The following PLA2G4E variants were observed in gnomAD, a reference collection of about 807,000 sequenced individuals.
PLA2G4E encodes cytosolic phospholipase A2 epsilon.
In PLA2G4E, 84 loss-of-function variants were observed where a neutral mutation model predicts 109.1. The observed-to-expected ratio is 0.77, with a 90% CI of 0.65 to 0.92. PLA2G4E has a LOEUF of 0.92. Ranked by LOEUF, PLA2G4E falls within the 40% of genes least tolerant of loss-of-function variation. The pLI is 0.00. For missense variants in PLA2G4E, 1,057 were observed against 1,076.6 expected, an observed-to-expected ratio of 0.98 and a Z score of 0.25; for synonymous variants, 469 against 436.1, an observed-to-expected ratio of 1.08 and a Z score of -0.94.
At position 42,002,636 on chromosome 15, in the gene PLA2G4E, A is replaced by T; in HGVS notation, c.609+18T>A. 6.3e-7 allele frequency: 1 copy of T among 1,577,600 alleles called. No homozygotes were observed. Among genetic ancestry groups the T allele is most frequent in the Non-Finnish European group, 8.6e-7 (1 of 1,161,272 alleles). On this transcript the variant is annotated intron_variant, in intron 6 of 19. Coordinates refer to ENST00000399518, the Ensembl canonical transcript of PLA2G4E. ...AGCCGTGGCCTCTGGAGCTACAGGA[A>T]CCCAGGAAGATAATTACCACCAGCA...
intron 17 of PLA2G4E, chr15:41,986,841 C>A (rs921206200): frequency 2.8e-6 from 1 of 358,980 alleles, no homozygotes; most frequent in Admixed American, 4.1e-5. Flanking sequence ...TAAAGGGCAT[C>A]CCCAGAACAC....
At chr15:42,037,473 T>C (rs1889237935) in intron 1 of PLA2G4E, among the ~76,000 whole-genome samples, 1 of 152,228 alleles carries the variant, frequency 6.6e-6, no homozygotes, top group Admixed American at 6.5e-5. Flanking sequence ...AGCTACCTAC[T>C]GCGGGTCTCC....
chr15:42,018,441 A>T (rs2068616766), intron 1 of PLA2G4E, among the ~76,000 whole-genome samples: 1 of 152,202 alleles, frequency 6.6e-6, no homozygotes, highest in South Asian at 2.1e-4. Context: ...TTAAGAACAG[A>T]CATGATCAGG....
At chr15:42,026,244 G>C (rs1164662891) in intron 1 of PLA2G4E, among the ~76,000 whole-genome samples, 1 of 152,096 alleles carries the variant, frequency 6.6e-6, no homozygotes, top group African/African-American at 2.4e-5. Context: ...ACAAAATGGA[G>C]GGAACAGAGA....
At chr15:42,007,801 T>G in exon 3 of PLA2G4E, 1 of 1,611,812 alleles carries the variant, frequency 6.2e-7, no homozygotes, top group Non-Finnish European at 8.5e-7. Context: ...AGATGGTCCT[T>G]GTCCTCAGCT....
intron 1 of PLA2G4E, among the ~76,000 whole-genome samples, chr15:42,026,842 G>A (rs2068696695): frequency 6.6e-6 from 1 of 151,936 alleles, no homozygotes; most frequent in Admixed American, 6.6e-5. Context: ...GCGTGGTGGT[G>A]GGTGCCTAGA....
intron 15 of PLA2G4E, 67 bp downstream of exon 15, chr15:41,989,348 G>C: frequency 6.3e-7 from 1 of 1,594,148 alleles, no homozygotes; most frequent in East Asian, 2.2e-5. Flanking sequence ...ATAATCAGGG[G>C]CCAACCCAGG....
At chr15:42,010,138 C>CCT in intron 2 of PLA2G4E, 1 of 477,194 alleles carries the variant, frequency 2.1e-6, no homozygotes. Flanking sequence ...ACTGGCCCCC[C>CCT]CACCCCGGGC....
intron 1 of PLA2G4E, among the ~76,000 whole-genome samples, chr15:42,040,436 A>G (rs577457338): frequency 1.3e-5 from 2 of 152,368 alleles, no homozygotes; most frequent in East Asian, 3.9e-4. Flanking sequence ...ATTAAAATAA[A>G]TTCCAGATGT....
exon 8 of PLA2G4E, chr15:42,000,247 C>T (rs1175319332): frequency 6.3e-7 from 1 of 1,579,004 alleles, no homozygotes; most frequent in Non-Finnish European, 8.6e-7. Context: ...TGGGTGTTCT[C>T]AAAGGATTCG....
chr15:42,040,951 A>C (rs1889304575), intron 1 of PLA2G4E, among the ~76,000 whole-genome samples: 2 of 152,256 alleles, frequency 1.3e-5, no homozygotes, highest in Non-Finnish European at 2.9e-5. Flanking sequence ...ATTGCTAATA[A>C]TTTAAAGACT....
intron 1 of PLA2G4E, among the ~76,000 whole-genome samples, chr15:42,018,661 C>T (rs1259216539): frequency 6.6e-6 from 1 of 152,176 alleles, no homozygotes; most frequent in East Asian, 1.9e-4. Flanking sequence ...CAGCAGTTTT[C>T]TGGGAAGCCA....
At chr15:42,001,018 T>A (rs566889685) in intron 7 of PLA2G4E, 139 bp downstream of exon 7, 1 of 811,872 alleles carries the variant, frequency 1.2e-6, no homozygotes, top group East Asian at 2.6e-5. Flanking sequence ...GGGGGTGAGA[T>A]GATTCTGAGG....
intron 10 of PLA2G4E, chr15:41,997,562 T>C: frequency 5.0e-6 from 1 of 201,190 alleles, no homozygotes; most frequent in Non-Finnish European, 9.9e-6. Context: ...GAGTCCTCTG[T>C]CTCCTCGGCC....
intron 12 of PLA2G4E, among the ~76,000 whole-genome samples, chr15:41,993,421 A>G (rs1566837371): frequency 6.6e-6 from 1 of 152,254 alleles, no homozygotes; most frequent in South Asian, 2.1e-4. Flanking sequence ...TGCATGGCAC[A>G]GAACAAATGC....
intron 1 of PLA2G4E, among the ~76,000 whole-genome samples, chr15:42,035,859 G>A (rs1318967672): frequency 2.0e-5 from 3 of 152,166 alleles, no homozygotes; most frequent in African/African-American, 4.8e-5. Flanking sequence ...CTGAATTCAT[G>A]TCTATCACTC....
At chr15:42,033,434 A>G (rs897300667) in intron 1 of PLA2G4E, among the ~76,000 whole-genome samples, 1 of 152,178 alleles carries the variant, frequency 6.6e-6, no homozygotes, top group African/African-American at 2.4e-5. Flanking sequence ...GGAGTGGCTG[A>G]GCTGGCCCTT....
At chr15:42,041,679 G>T (rs1231264224) in intron 1 of PLA2G4E, among the ~76,000 whole-genome samples, 1 of 152,216 alleles carries the variant, frequency 6.6e-6, no homozygotes, top group Non-Finnish European at 1.5e-5. Context: ...CCTGTACTGA[G>T]TATTGGGGTT....
chr15:41,993,011 A>G, intron 12 of PLA2G4E, 52 bp from the exon 13 acceptor site: 1 of 1,503,376 alleles, frequency 6.7e-7, no homozygotes, highest in Non-Finnish European at 9.0e-7. Flanking sequence ...CTGTCTGATG[A>G]GTCCTGGACC....
Sources: gnomAD v4.1 joint callset for allele counts (sites outside exome capture counted in the v4.1 genomes callset) on GRCh38, gnomAD v4.1.1 for gene constraint, MANE v1.5 for transcripts, NCBI Gene and HGNC (gene_info 2026-07-23, HGNC 2026-07-21) for gene names.